The following ASTN2 variants were observed in gnomAD, a reference collection of about 807,000 sequenced individuals.
ASTN2 encodes the protein astrotactin 2.
Under a neutral mutation model 139.8 loss-of-function variants are expected in ASTN2, and 54 were observed. That is an observed-to-expected ratio of 0.39 (90% CI 0.31 to 0.48). ASTN2 has a LOEUF of 0.48. ASTN2 is among the 20% of genes least tolerant of loss of function. The pLI is 0.95. For missense variants in ASTN2, 1,565 were observed against 1,725.1 expected, an observed-to-expected ratio of 0.91 and a Z score of 1.64; for synonymous variants, 756 against 719.5, an observed-to-expected ratio of 1.05 and a Z score of -0.81.
Position 116,840,662 on chromosome 9 carries a change from G to A in ASTN2, c.2041-19879C>T, listed in dbSNP as rs1264335464. 2.3e-3 allele frequency among the ~76,000 whole-genome samples: 207 copies of A among 88,402 alleles called. 1 individual carries two copies. The highest frequency in any genetic ancestry group is 6.7e-3 in the African/African-American group (197 of 29,230). The allele number at this position is 88,402 out of a possible 152,430, so 58.0% of individuals were successfully genotyped here. ...CGGAGGGGCTCCTCACTTCTCAGAC[G>A]GGGCGGTTGCCAGGCAGAGGGTCTC... On this transcript the variant is annotated intron_variant, in intron 11 of 22. Transcript: ENST00000313400.
At chr9:117,061,070 C>T (rs1839275043) in intron 5 of ASTN2, among the ~76,000 whole-genome samples, 1 of 152,108 alleles carries the variant, frequency 6.6e-6, no homozygotes, top group South Asian at 2.1e-4. Context: ...AATGGTTTGT[C>T]TTCCAAGTTC....
rs1292479863 is a variant in ASTN2, at chr9:116,446,266, GAGAGAT to G, written c.3498-3719_3498-3714del. 4.6e-3 allele frequency among the ~76,000 whole-genome samples: 345 copies of G among 74,368 alleles called. 2 individuals are homozygous for G. Among genetic ancestry groups the G allele is most frequent in the East Asian group, 0.021 (58 of 2,734 alleles). 48.8% of individuals were successfully genotyped at this position (74,368 alleles called of 152,430 possible). A position where few individuals can be genotyped will look rare whatever the true frequency, so the allele number is the denominator to read the frequency against. ...GACAGAGGGGAGAGGGAGAGAGAGAGAGAGATAGAGAGAGAGAGAGAGAGAGAGAGA... is the reference window on the plus strand; with the variant it reads ...GACAGAGGGGAGAGGGAGAGAGAGAGAGAGAGAGAGAGAGAGAGAGAGAGA... On this transcript the variant is annotated intron_variant, in intron 20 of 22. Transcript: ENST00000313400.
intron 16 of ASTN2, among the ~76,000 whole-genome samples, chr9:116,694,370 C>T (rs1466213109): frequency 1.3e-5 from 2 of 151,860 alleles, no homozygotes; most frequent in East Asian, 3.9e-4. Context: ...CAAATGTCCT[C>T]AGTCTGTTGT....
chr9:116,685,889 A>G (rs943150317), intron 16 of ASTN2, among the ~76,000 whole-genome samples: 1 of 152,044 alleles, frequency 6.6e-6, no homozygotes, highest in Non-Finnish European at 1.5e-5. Context: ...ATATACACAC[A>G]TATATAATAT....
chr9:116,941,607 A>C (rs1378608918), intron 10 of ASTN2, among the ~76,000 whole-genome samples: 3 of 151,990 alleles, frequency 2.0e-5, no homozygotes, highest in African/African-American at 4.8e-5. Context: ...AAAAAAAAAA[A>C]AACAACTTCA....
chr9:117,185,429 A>AGTGG (rs1831172361), intron 3 of ASTN2, among the ~76,000 whole-genome samples: 1 of 152,198 alleles, frequency 6.6e-6, no homozygotes, highest in East Asian at 1.9e-4. Flanking sequence ...TGCCACATTC[A>AGTGG]CAGATGCGTG....
chr9:117,171,321 C>T lies in ASTN2; in HGVS notation c.1016-29843G>A, dbSNP rs146366316. On this transcript the variant is annotated intron_variant, in intron 3 of 22. Transcript: ENST00000313400. ...AAGAGTAAAGGCTCCAGAGAAAGCC[C>T]TGCCTGCATGGGTTCCTGGCCTAGC... is the stretch of plus-strand genomic sequence containing the variant. Among the ~76,000 whole-genome samples the T allele has an allele frequency of 7.0e-4, 106 of 152,260 alleles. No homozygotes were observed. In the East Asian group the frequency reaches 0.02, roughly 29 times the overall value.
chr9:116,938,557 C>A (rs1007843397), intron 10 of ASTN2, among the ~76,000 whole-genome samples: 1 of 152,162 alleles, frequency 6.6e-6, no homozygotes, highest in Non-Finnish European at 1.5e-5. Context: ...ATACCCCCCA[C>A]TCCAAAGCAG....
rs115420726 is a variant in ASTN2 at position 117,017,457 on chromosome 9, C to T, written c.1424-9198G>A. ...CCATGTCAGTTGCTCAAGTAAGACACGAACTTAGATGGAAACTTTGATAGG... is the reference window on the plus strand; with the variant it reads ...CCATGTCAGTTGCTCAAGTAAGACATGAACTTAGATGGAAACTTTGATAGG... On this transcript the variant is annotated intron_variant, in intron 6 of 22. Coordinates refer to ENST00000313400, the MANE Select transcript of ASTN2 (RefSeq NM_001365068.1). 5.3e-3 allele frequency among the ~76,000 whole-genome samples: 814 copies of T among 152,230 alleles called. 8 individuals carry two copies. Among genetic ancestry groups the T allele is most frequent in the African/African-American group, 0.018 (766 of 41,546 alleles).
chr9:116,993,557 A>T (rs1042835964), intron 7 of ASTN2, among the ~76,000 whole-genome samples: 1 of 150,786 alleles, frequency 6.6e-6, no homozygotes, highest in Non-Finnish European at 1.5e-5. Flanking sequence ...ATATACAGCA[A>T]TACAATTTCA....
chr9:117,043,798 C>G (rs1179901850), intron 5 of ASTN2, among the ~76,000 whole-genome samples: 3 of 151,686 alleles, frequency 2.0e-5, no homozygotes, highest in Non-Finnish European at 4.4e-5. Flanking sequence ...GTCCCAGCTA[C>G]TCCAGAGGCT....
chr9:117,115,886 G>A (rs549843703), intron 4 of ASTN2, among the ~76,000 whole-genome samples: 6 of 151,974 alleles, frequency 3.9e-5, no homozygotes, highest in South Asian at 2.1e-4. Context: ...TTAGCTGGGC[G>A]TAGTGGTGGG....
intron 13 of ASTN2, among the ~76,000 whole-genome samples, chr9:116,797,886 A>T (rs1241889816): frequency 1.3e-5 from 2 of 152,194 alleles, no homozygotes; most frequent in Non-Finnish European, 2.9e-5. Flanking sequence ...AAACAGACTG[A>T]GCATTGAAGG....
intron 2 of ASTN2, among the ~76,000 whole-genome samples, chr9:117,250,506 G>A (rs1833508157): frequency 6.6e-6 from 1 of 152,104 alleles, no homozygotes; most frequent in Admixed American, 6.5e-5. Context: ...GATAGTTTTA[G>A]AAAAATATTT....
At chr9:117,270,601 G>T (rs1242630810) in intron 2 of ASTN2, among the ~76,000 whole-genome samples, 2 of 152,106 alleles carry the variant, frequency 1.3e-5, no homozygotes, top group Non-Finnish European at 2.9e-5. Flanking sequence ...CCTGTACCTG[G>T]CATAAGGATG....
intron 1 of ASTN2, among the ~76,000 whole-genome samples, chr9:117,301,138 C>A (rs951263171): frequency 5.9e-5 from 9 of 152,118 alleles, no homozygotes; most frequent in Non-Finnish European, 1.3e-4. Flanking sequence ...TCTCATTACT[C>A]CTAGTTATTC....
At chr9:116,776,050 T>C (rs1354816021) in intron 13 of ASTN2, among the ~76,000 whole-genome samples, 1 of 152,086 alleles carries the variant, frequency 6.6e-6, no homozygotes, top group African/African-American at 2.4e-5. Flanking sequence ...GGTATTGAGG[T>C]CCAGTCCATG....
chr9:116,952,679 A>G (rs767579178), intron 10 of ASTN2, among the ~76,000 whole-genome samples: 10 of 152,206 alleles, frequency 6.6e-5, no homozygotes, highest in Non-Finnish European at 1.0e-4. Flanking sequence ...AATTTGCTCC[A>G]TCATGTTAAG....
chr9:117,406,543 C>G (rs1029287600), intron 1 of ASTN2, among the ~76,000 whole-genome samples: 3 of 152,044 alleles, frequency 2.0e-5, no homozygotes, highest in African/African-American at 7.3e-5. Flanking sequence ...CATGCTGTCC[C>G]TTGAAAGGTC....
Sources: allele counts gnomAD v4.1 joint callset (sites outside exome capture counted in the v4.1 genomes callset), GRCh38; gene constraint gnomAD v4.1.1; transcripts MANE v1.5; gene names NCBI Gene and HGNC (gene_info 2026-07-23, HGNC 2026-07-21).